LHFPL1: variants seen among roughly 807,000 people sequenced by gnomAD.
LHFPL1 encodes LHFPL tetraspan subfamily member 1 protein.
Under a neutral mutation model 12.1 loss-of-function variants are expected in LHFPL1, and 4 were observed. The ratio of observed to expected loss-of-function variants is 0.33; its 90% CI spans 0.16 to 0.76. The LOEUF (loss-of-function observed/expected upper bound fraction) is 0.76, where lower values mean the gene tolerates loss of function less well. Among genes scored for constraint, LHFPL1 ranks in the 30% least tolerant of loss-of-function variants. The pLI, the probability that LHFPL1 is intolerant of heterozygous loss-of-function variation, is 0.61. For synonymous variants in LHFPL1, 52 were observed against 61.9 expected (o/e 0.84, Z 0.75); for missense variants, 141 against 174.1 (o/e 0.81, Z 1.07).
intron 3 of LHFPL1, among the ~76,000 whole-genome samples, chrX:112,640,335 G>A (rs548093190): frequency 9.0e-6 from 1 of 111,047 alleles, no homozygotes; most frequent in Admixed American, 9.6e-5. Context: ...AAGTTAGCTA[G>A]GTAAGGAAGG....
At chrX:112,634,447 C>CCAG (rs1908490123) in intron 3 of LHFPL1, among the ~76,000 whole-genome samples, 2 of 111,493 alleles carry the variant, frequency 1.8e-5, no homozygotes, top group African/African-American at 6.5e-5. Flanking sequence ...TTCATCCTCC[C>CCAG]CAGCTTATTC....
At chrX:112,658,954 A>G (rs922496614) in intron 3 of LHFPL1, among the ~76,000 whole-genome samples, 11 of 112,329 alleles carry the variant, frequency 9.8e-5, no homozygotes, top group Non-Finnish European at 2.1e-4. Context: ...GAAAAGAAAT[A>G]AAGTACTGGT....
intron 2 of LHFPL1, among the ~76,000 whole-genome samples, chrX:112,664,102 T>C (rs1314161751): frequency 8.9e-6 from 1 of 112,405 alleles, no homozygotes; most frequent in Non-Finnish European, 1.9e-5. Context: ...ATCTCTAGAT[T>C]ACTTATAATA....
intron 3 of LHFPL1, among the ~76,000 whole-genome samples, chrX:112,658,279 G>T (rs756635269): frequency 9.1e-6 from 1 of 109,539 alleles, no homozygotes; most frequent in Non-Finnish European, 1.9e-5. Context: ...ACAAAAATTA[G>T]CAGGGTGTGG....
At chrX:112,660,272 T>A (rs909348509) in intron 3 of LHFPL1, among the ~76,000 whole-genome samples, 26 of 112,405 alleles carry the variant, frequency 2.3e-4, no homozygotes, top group African/African-American at 8.4e-4. Flanking sequence ...TGACAAACGA[T>A]ACTGTTGACT....
intron 3 of LHFPL1, among the ~76,000 whole-genome samples, chrX:112,636,066 T>A (rs1021183570): frequency 9.0e-6 from 1 of 110,954 alleles, no homozygotes; most frequent in African/African-American, 3.3e-5. Flanking sequence ...GGGGCGGTTT[T>A]CCTGTACACT....
At chrX:112,646,894 A>G (rs534426993) in intron 3 of LHFPL1, among the ~76,000 whole-genome samples, 3 of 111,810 alleles carry the variant, frequency 2.7e-5, no homozygotes, top group South Asian at 3.8e-4. Flanking sequence ...AATGGAGAGG[A>G]AAAAAGTCAT....
intron 1 of LHFPL1, among the ~76,000 whole-genome samples, chrX:112,677,530 A>G (rs1931683968): frequency 9.0e-6 from 1 of 110,952 alleles, no homozygotes; most frequent in African/African-American, 3.3e-5. Flanking sequence ...TGAGATATGC[A>G]GGCATATGTT....
chrX:112,649,898 G>A (rs1478580730), intron 3 of LHFPL1, among the ~76,000 whole-genome samples: 1 of 110,162 alleles, frequency 9.1e-6, no homozygotes. Context: ...GAGTAATCAG[G>A]GAGGCCTTTT....
At chrX:112,663,082 T>G (rs7880933) in intron 2 of LHFPL1, among the ~76,000 whole-genome samples, 10,962 of 110,890 alleles carry the variant, frequency 0.099, 1,403 homozygotes, top group African/African-American at 0.34. Context: ...ACCTTCCATC[T>G]TCTTCAGACC....
rs757810086 is a variant in LHFPL1, at chrX:112,671,076, A to C, written c.315T>G (p.Gly105=). The change falls in exon 2 of 4, where the codon GGT becomes GGG. Residue 105 remains glycine, a synonymous_variant. Coordinates refer to ENST00000371968, the MANE Select transcript of LHFPL1 (RefSeq NM_178175.4). The part of the protein sequence containing the change: ...LLLVALAAVL[G]CCMEELISRM... ...TGGAGATGAGCTCCTCCATGCAGCA[A>C]CCCAGGACAGCAGCTAGTGCCACCA... 1 of 1,211,915 alleles carries C rather than the reference A, an allele frequency of 8.3e-7. No individual in the cohort carries two copies. Among genetic ancestry groups the C allele is most frequent in the Admixed American group, 2.2e-5 (1 of 46,104 alleles).
At chrX:112,674,451 T>C (rs1002660053) in intron 1 of LHFPL1, among the ~76,000 whole-genome samples, 1 of 110,961 alleles carries the variant, frequency 9.0e-6, no homozygotes, top group Admixed American at 9.5e-5. Flanking sequence ...GGGGACCTAA[T>C]TGAACTAAAG....
intron 3 of LHFPL1, among the ~76,000 whole-genome samples, chrX:112,638,466 A>C (rs1255588985): frequency 9.0e-6 from 1 of 111,373 alleles, no homozygotes; most frequent in Non-Finnish European, 1.9e-5. Context: ...GCACCTAGGA[A>C]TCCTTTGGAA....
chrX:112,644,453 T>TTGTGTGTG (rs111620839), intron 3 of LHFPL1, among the ~76,000 whole-genome samples: 32 of 104,798 alleles, frequency 3.1e-4, no homozygotes, highest in African/African-American at 1.0e-3. Flanking sequence ...TTTCTCCTGT[T>TTGTGTGTG]TGTGTGTGTG....
At chrX:112,670,584 C>T (rs949020627) in intron 2 of LHFPL1, among the ~76,000 whole-genome samples, 18 of 112,341 alleles carry the variant, frequency 1.6e-4, no homozygotes, top group African/African-American at 5.5e-4. Flanking sequence ...GTAATTTGCA[C>T]CTGTGTGTAT....
chrX:112,656,711 T>C (rs915205616), intron 3 of LHFPL1, among the ~76,000 whole-genome samples: 3 of 112,643 alleles, frequency 2.7e-5, no homozygotes, highest in Non-Finnish European at 5.6e-5. Flanking sequence ...TTTGTACATA[T>C]ACTCCTCAAT....
chrX:112,647,790 G>A (rs1461235793), intron 3 of LHFPL1, among the ~76,000 whole-genome samples: 1 of 111,956 alleles, frequency 8.9e-6, no homozygotes, highest in East Asian at 2.8e-4. Context: ...TCTAGAAACA[G>A]AAATACCATT....
chrX:112,648,374 C>T (rs1247248667), intron 3 of LHFPL1, among the ~76,000 whole-genome samples: 2 of 111,314 alleles, frequency 1.8e-5, no homozygotes, highest in East Asian at 2.8e-4. Context: ...GATGGCCATA[C>T]AAAAATAACC....
intron 3 of LHFPL1, among the ~76,000 whole-genome samples, chrX:112,637,466 T>C (rs138758615): frequency 0.015 from 1,696 of 111,580 alleles, 44 homozygotes; most frequent in African/African-American, 0.051. Context: ...CTAGCATTGC[T>C]GTGGGCATCA....
Sources: allele counts gnomAD v4.1 joint callset (sites outside exome capture counted in the v4.1 genomes callset), GRCh38; gene constraint gnomAD v4.1.1; transcripts MANE v1.5; gene names NCBI Gene and HGNC (gene_info 2026-07-23, HGNC 2026-07-21).